Variants in RAB40C observed in about 807,000 individuals in gnomAD.
RAB40C encodes ras-related protein Rab-40C.
In RAB40C, 8 loss-of-function variants were observed where a neutral mutation model predicts 28.1. The ratio of observed to expected loss-of-function variants is 0.28; its 90% CI spans 0.17 to 0.51. The LOEUF (loss-of-function observed/expected upper bound fraction) is 0.51, where lower values mean the gene tolerates loss of function less well. Ranked by LOEUF, RAB40C falls within the 20% of genes least tolerant of loss-of-function variation. The pLI, the probability that RAB40C is intolerant of heterozygous loss-of-function variation, is 0.97. For missense variants in RAB40C, 288 were observed against 405.9 expected, an observed-to-expected ratio of 0.71 and a Z score of 2.50; for synonymous variants, 201 against 171.7, an observed-to-expected ratio of 1.17 and a Z score of -1.34.
intron 1 of RAB40C, among the ~76,000 whole-genome samples, chr16:603,979 T>C (rs973089225): frequency 6.6e-6 from 1 of 152,248 alleles, no homozygotes; most frequent in African/African-American, 2.4e-5. Context: ...GCATTTACCT[T>C]GTTGATGCAC....
chr16:613,271 A>G (rs2036520585), intron 1 of RAB40C, among the ~76,000 whole-genome samples: 2 of 150,278 alleles, frequency 1.3e-5, no homozygotes, highest in South Asian at 4.3e-4. Flanking sequence ...TGTAGCATCA[A>G]GAGCAGGGAC....
At chr16:604,451 T>A (rs1045575738) in intron 1 of RAB40C, among the ~76,000 whole-genome samples, 1 of 152,078 alleles carries the variant, frequency 6.6e-6, no homozygotes, top group Non-Finnish European at 1.5e-5. Flanking sequence ...AGAATATATG[T>A]GAGTCCTTCT....
At chr16:593,352 G>A (rs2036041768) in intron 1 of RAB40C, among the ~76,000 whole-genome samples, 1 of 152,250 alleles carries the variant, frequency 6.6e-6, no homozygotes, top group Admixed American at 6.5e-5. Context: ...TGTAGCAGGA[G>A]CTTTAGGCCT....
chr16:603,773 T>TCAGTCCC (rs146656939), intron 1 of RAB40C, among the ~76,000 whole-genome samples: 2 of 151,580 alleles, frequency 1.3e-5, no homozygotes, highest in African/African-American at 4.8e-5. Flanking sequence ...CCCTGCCGAG[T>TCAGTCCC]CAGCCCCCAG....
At chr16:617,304 AG>A in intron 2 of RAB40C, 36 bp downstream of exon 2, 1 of 1,611,594 alleles carries the variant, frequency 6.2e-7, no homozygotes, top group Non-Finnish European at 8.5e-7. Flanking sequence ...TTCCTGGGTG[AG>A]GACACAAATG....
In RAB40C at chr16:627,657, G is replaced by A; in HGVS notation, c.*35G>A. 1 of 1,541,618 alleles carries A rather than the reference G, an allele frequency of 6.5e-7. No homozygotes were observed. The highest frequency in any genetic ancestry group is 8.8e-7 in the Non-Finnish European group (1 of 1,142,466). Reference sequence around the variant, plus strand: ...GCGGGGCCGCCTGTGCAGATGCCAGGAGGGCTCGAGCTGGACACTCCTGGC... The same window carrying A: ...GCGGGGCCGCCTGTGCAGATGCCAGAAGGGCTCGAGCTGGACACTCCTGGC... On this transcript the variant is annotated 3_prime_UTR_variant, in exon 6 of 6. Transcript: ENST00000248139.
chr16:626,147 C>T (rs1375319164), intron 5 of RAB40C, 26 bp downstream of exon 5: 2 of 1,589,836 alleles, frequency 1.3e-6, no homozygotes, highest in Non-Finnish European at 1.7e-6. Flanking sequence ...CCGGCCAGCC[C>T]TGAGGTCCCC....
chr16:592,354 C>T (rs1416283016), intron 1 of RAB40C, among the ~76,000 whole-genome samples: 1 of 152,240 alleles, frequency 6.6e-6, no homozygotes, highest in East Asian at 1.9e-4. Context: ...GCGCTTCCTC[C>T]TGGCATGGCT....
chr16:621,748 C>T (rs1313935573), intron 3 of RAB40C, among the ~76,000 whole-genome samples: 1 of 152,226 alleles, frequency 6.6e-6, no homozygotes, highest in Non-Finnish European at 1.5e-5. Context: ...CGGGATGTGC[C>T]ATCCTGTTTA....
chr16:626,081 C>T lies in RAB40C; in HGVS notation c.525C>T (p.Leu175=), dbSNP rs376751567. 9 of 1,613,158 alleles carry T rather than the reference C, an allele frequency of 5.6e-6. No homozygotes were observed. Among genetic ancestry groups the T allele is most frequent in the South Asian group, 2.2e-5 (2 of 91,090 alleles). ...ESFTELSRIV[L]MRHGMEKIWR... Reference sequence around the variant, plus strand: ...TCACGGAGCTATCCCGCATCGTGCTCATGCGGCACGGCATGGAGAAGATCT... The same window carrying T: ...TCACGGAGCTATCCCGCATCGTGCTTATGCGGCACGGCATGGAGAAGATCT... Residue 175 remains leucine (L), a synonymous_variant, in exon 5 of 6, where the codon CTC becomes CTT. Coordinates refer to ENST00000248139, the MANE Select transcript of RAB40C (RefSeq NM_021168.5).
In RAB40C at chr16:625,438, C is replaced by T; in HGVS notation, c.271C>T (p.Leu91Phe). 1 of 1,613,460 alleles carries T rather than the reference C, an allele frequency of 6.2e-7. No homozygotes were observed. The highest frequency in any genetic ancestry group is 8.5e-7 in the Non-Finnish European group (1 of 1,179,914). ...RSYSRGAQGI[L>F]LVYDITNRWS... ...CCCCAAGTCTCTGTTGCAGGGGATC[C>T]TCTTGGTGTATGACATCACCAACCG... Residue 91 changes from leucine (L) to phenylalanine (F), a missense_variant, in exon 4 of 6, where the codon CTC becomes TTC. By Grantham distance (22) the Leu-to-Phe change is conservative (BLOSUM62 0). Coordinates refer to ENST00000248139, the MANE Select transcript of RAB40C (RefSeq NM_021168.5).
At chr16:605,939 G>C (rs1159270521) in intron 1 of RAB40C, among the ~76,000 whole-genome samples, 4 of 152,326 alleles carry the variant, frequency 2.6e-5, no homozygotes, top group Admixed American at 2.6e-4. Context: ...TTTTAGCCAT[G>C]CTGATGGCTG....
Position 590,520 on chromosome 16 carries a change from C to A in RAB40C, c.142+87C>A. 2.2e-6 allele frequency: 3 copies of A among 1,365,912 alleles called. No individual in the cohort carries two copies. In the South Asian group the frequency reaches 4.9e-5, roughly 22 times the overall value. 84.6% of individuals were successfully genotyped at this position (1,365,912 alleles called of 1,614,324 possible). On this transcript the variant is annotated intron_variant, in intron 1 of 5. Coordinates refer to ENST00000248139, the MANE Select transcript of RAB40C (RefSeq NM_021168.5). ...GAGCTCGCCCTCGGCCCGGCCCTTCCAAGCGCCGCCGAACGTTCCCAGGAA... is the reference window on the plus strand; with the variant it reads ...GAGCTCGCCCTCGGCCCGGCCCTTCAAAGCGCCGCCGAACGTTCCCAGGAA...
chr16:601,115 G>T (rs2384975), intron 1 of RAB40C, among the ~76,000 whole-genome samples: 70,205 of 151,980 alleles, frequency 0.46, 16,601 homozygotes, highest in East Asian at 0.63. Flanking sequence ...TCAGTAAATG[G>T]GCCTGCTGCT....
rs931131430 is a variant in RAB40C, at chr16:627,676, T to C, written c.*54T>C. 2.6e-6 allele frequency: 4 copies of C among 1,512,452 alleles called. No individual in the cohort carries two copies. The African/African-American group carries it at 4.2e-5, about 16-fold the overall frequency. 93.7% of individuals were successfully genotyped at this position (1,512,452 alleles called of 1,614,324 possible). Reference sequence around the variant, plus strand: ...TGCCAGGAGGGCTCGAGCTGGACACTCCTGGCTGGACGCCAGGCCAGTGCC... The same window carrying C: ...TGCCAGGAGGGCTCGAGCTGGACACCCCTGGCTGGACGCCAGGCCAGTGCC... On this transcript the variant is annotated 3_prime_UTR_variant, in exon 6 of 6. Transcript: ENST00000248139.
intron 1 of RAB40C, among the ~76,000 whole-genome samples, chr16:598,561 C>CAAAAA (rs938034632): frequency 1.8e-5 from 1 of 54,934 alleles, no homozygotes; most frequent in Non-Finnish European, 3.9e-5. Flanking sequence ...CTCTGTCTCA[C>CAAAAA]AAAAAAAAAA....
At chr16:598,374 C>T (rs1280660875) in intron 1 of RAB40C, among the ~76,000 whole-genome samples, 24 of 110,760 alleles carry the variant, frequency 2.2e-4, no homozygotes. Context: ...GAGACTCCAC[C>T]TCAAAAAAAA....
chr16:595,246 GC>G (rs2036088592), intron 1 of RAB40C, among the ~76,000 whole-genome samples: 1 of 152,042 alleles, frequency 6.6e-6, no homozygotes, highest in Non-Finnish European at 1.5e-5. Flanking sequence ...GCTTTCCGCT[GC>G]CCCCGTGTAG....
intron 3 of RAB40C, among the ~76,000 whole-genome samples, chr16:621,908 C>T (rs1355959488): frequency 2.6e-5 from 4 of 152,174 alleles, no homozygotes; most frequent in African/African-American, 4.8e-5. Context: ...GGCTTGTCGG[C>T]ACACAGGTGG....
Sources: allele counts gnomAD v4.1 joint callset (sites outside exome capture counted in the v4.1 genomes callset), GRCh38; gene constraint gnomAD v4.1.1; transcripts MANE v1.5; gene names NCBI Gene and HGNC (gene_info 2026-07-23, HGNC 2026-07-21).